Variants in CIMIP2B observed in about 807,000 individuals in gnomAD.
CIMIP2B encodes the protein ciliary microtubule inner protein 2B.
the CIMIP2B span, chr9:35,563,007 A>C: frequency 1.2e-6 from 2 of 1,614,012 alleles, no homozygotes; most frequent in Non-Finnish European, 8.5e-7. Context: ...GCAAGTGAGT[A>C]AAGTCACTCA....
At chr9:35,563,802 TG>T in the CIMIP2B span, 1 of 1,614,008 alleles carries the variant, frequency 6.2e-7, no homozygotes, top group Non-Finnish European at 8.5e-7. Context: ...GGTTGAGCCC[TG>T]GTATGAAGGT....
At chr9:35,563,386 G>A in the CIMIP2B span, 15 of 1,607,600 alleles carry the variant, frequency 9.3e-6, no homozygotes, top group South Asian at 1.7e-4. Context: ...AGTGTCCAGT[G>A]TACCTGCAGC....
chr9:35,563,308 A>G, the CIMIP2B span: 1 of 1,613,960 alleles, frequency 6.2e-7, no homozygotes, highest in South Asian at 1.1e-5. Flanking sequence ...CTAGGCCAGG[A>G]GGGCCTCGAA....
the CIMIP2B span, chr9:35,562,396 A>ATAGT: frequency 0.053 from 79,047 of 1,487,812 alleles, 3,754 homozygotes; most frequent in East Asian, 0.26. Flanking sequence ...CGTAGCCCCC[A>ATAGT]TAGTTAGGTA....
At chr9:35,562,908 C>T in the CIMIP2B span, 7 of 1,614,040 alleles carry the variant, frequency 4.3e-6, no homozygotes, top group South Asian at 5.5e-5. Context: ...GCTCCTCCAG[C>T]TGCCCCTCCG....
At chr9:35,562,414 C>G in the CIMIP2B span, 14 of 1,527,004 alleles carry the variant, frequency 9.2e-6, no homozygotes, top group Non-Finnish European at 1.1e-5. Context: ...GTAAAAGACC[C>G]AGGTTCTGAG....
chr9:35,562,482 G>T, the CIMIP2B span: 1 of 1,583,774 alleles, frequency 6.3e-7, no homozygotes, highest in Non-Finnish European at 8.6e-7. Flanking sequence ...CCTGGTGAGT[G>T]CTTCTGCCCA....
the CIMIP2B span, chr9:35,562,528 G>C: frequency 1.6e-5 from 25 of 1,576,954 alleles, no homozygotes; most frequent in South Asian, 1.5e-4. Context: ...GCACAGGAAA[G>C]CTGGAGCCGA....
the CIMIP2B span, chr9:35,563,170 G>A: frequency 1.2e-6 from 2 of 1,613,794 alleles, no homozygotes; most frequent in Admixed American, 1.7e-5. Context: ...ACAAACCTGT[G>A]TACCCAGGGA....
the CIMIP2B span, chr9:35,562,748 A>G: frequency 1.9e-6 from 3 of 1,612,234 alleles, no homozygotes; most frequent in African/African-American, 4.0e-5. Flanking sequence ...AAGGAGGTGG[A>G]GCTGACAATC....
chr9:35,562,889 C>T, the CIMIP2B span: 2 of 1,614,060 alleles, frequency 1.2e-6, no homozygotes, highest in Middle Eastern at 1.7e-4. Context: ...TCCACCACCT[C>T]CAGTGTCGGC....
At chr9:35,562,681 T>A in the CIMIP2B span, 1 of 1,613,658 alleles carries the variant, frequency 6.2e-7, no homozygotes, top group Admixed American at 1.7e-5. Context: ...GTCCCTGTCA[T>A]CCATGGAGTA....
chr9:35,563,679 C>G, the CIMIP2B span: 1 of 1,298,984 alleles, frequency 7.7e-7, no homozygotes, highest in East Asian at 2.3e-5. Context: ...AACCTGTCCG[C>G]TTGGCCCCAT....
chr9:35,562,836 C>G, the CIMIP2B span: 2 of 1,613,340 alleles, frequency 1.2e-6, no homozygotes, highest in Non-Finnish European at 1.7e-6. Context: ...GACCCCCACT[C>G]CCACACCTCT....
At chr9:35,563,061 C>T in the CIMIP2B span, 1 of 1,614,032 alleles carries the variant, frequency 6.2e-7, no homozygotes, top group Non-Finnish European at 8.5e-7. Flanking sequence ...CAAAGATGAA[C>T]TGTGCCCGGG....
At chr9:35,563,797 A>G in the CIMIP2B span, 1 of 1,613,998 alleles carries the variant, frequency 6.2e-7, no homozygotes, top group Non-Finnish European at 8.5e-7. Context: ...CTGAGGGTTG[A>G]GCCCTGGTAT....
At chr9:35,562,584 G>A in the CIMIP2B span, 1 of 1,605,038 alleles carries the variant, frequency 6.2e-7, no homozygotes, top group South Asian at 1.1e-5. Context: ...CCTGAGGATG[G>A]GGACACTGAG....
chr9:35,561,995 A>ATGTC, the CIMIP2B span: 2 of 1,395,556 alleles, frequency 1.4e-6, no homozygotes, highest in Non-Finnish European at 1.9e-6. Context: ...AGGGAACTTG[A>ATGTC]TGTCCAGTGG....
chr9:35,562,718 G>A, the CIMIP2B span: 1 of 1,613,546 alleles, frequency 6.2e-7, no homozygotes, highest in South Asian at 1.1e-5. Context: ...AGAAGCCCCT[G>A]TGCTGTCACA....
Sources: gnomAD v4.1 joint callset for allele counts on GRCh38, gnomAD v4.1.1 for gene constraint, MANE v1.5 for transcripts, NCBI Gene and HGNC (gene_info 2026-07-23, HGNC 2026-07-21) for gene names.